The following MYCBP2 variants were observed in gnomAD, a reference collection of about 807,000 sequenced individuals.
MYCBP2 encodes MYC binding protein 2.
A neutral mutation model predicts 525.3 loss-of-function variants in MYCBP2; 120 were observed. The ratio of observed to expected loss-of-function variants is 0.23; its 90% confidence interval spans 0.20 to 0.27. MYCBP2 has a LOEUF of 0.27. Ranked by LOEUF, MYCBP2 falls within the 10% of genes least tolerant of loss-of-function variation. The pLI is 1.00. For missense variants in MYCBP2, 4,149 were observed against 5,657.1 expected (o/e 0.73, Z 8.55); for synonymous variants, 1,894 against 1,955.8 (o/e 0.97, Z 0.83).
intron 52 of MYCBP2, among the ~76,000 whole-genome samples, chr13:77,138,867 T>C (rs2054160100): frequency 6.6e-6 from 1 of 152,230 alleles, no homozygotes; most frequent in African/African-American, 2.4e-5. Context: ...TGGAATTCAT[T>C]CCACACAGCT....
chr13:77,257,113 A>G lies in MYCBP2; in HGVS notation c.2176+558T>C, dbSNP rs542077965. On this transcript the variant is annotated intron_variant, in intron 14 of 82. Coordinates refer to ENST00000544440, the MANE Select transcript of MYCBP2 (RefSeq NM_015057.5). ...GGATGTAACTGGAGGATATTATGTT[A>G]AGTGAAAGAAGCCAGGCACCGAAAG... Among the ~76,000 whole-genome samples the G allele has an allele frequency of 2.0e-5, 3 of 152,272 alleles. No homozygotes were observed. In the South Asian group the frequency reaches 6.2e-4, roughly 32 times the overall value.
At chr13:77,121,905 GA>G (rs1186508852) in intron 54 of MYCBP2, among the ~76,000 whole-genome samples, 1 of 151,770 alleles carries the variant, frequency 6.6e-6, no homozygotes, top group Non-Finnish European at 1.5e-5. Flanking sequence ...TTAGAATAGA[GA>G]AAAAAACTAA....
rs774134722 is a variant in MYCBP2, at chr13:77,087,658, T to C, written c.10726-25A>G. On this transcript the variant is annotated intron_variant, in intron 61 of 82. Coordinates refer to ENST00000544440, the MANE Select transcript of MYCBP2 (RefSeq NM_015057.5). Reference sequence around the variant, plus strand: ...CCTGAAGAAATGACGGTTAAATGAGTTCAAGAATAAAATACATGAGTTTAA... The same window carrying C: ...CCTGAAGAAATGACGGTTAAATGAGCTCAAGAATAAAATACATGAGTTTAA... 6.3e-6 allele frequency: 10 copies of C among 1,594,080 alleles called. No individual in the cohort carries two copies. The South Asian group carries it at 9.1e-5, about 15-fold the overall frequency.
At chr13:77,079,333 T>C (rs920141253) in intron 65 of MYCBP2, among the ~76,000 whole-genome samples, 5 of 152,146 alleles carry the variant, frequency 3.3e-5, no homozygotes, top group Admixed American at 3.3e-4. Flanking sequence ...AAGTAGGATA[T>C]ATGAGAGGAG....
intron 78 of MYCBP2, 48 bp from the exon 79 acceptor site, chr13:77,057,141 A>T (rs1328373795): frequency 7.6e-7 from 1 of 1,318,096 alleles, no homozygotes; most frequent in Non-Finnish European, 1.1e-6. Flanking sequence ...ATAATGATAA[A>T]CAGTTGAGTG....
chr13:77,214,412 A>C (rs1253191164), intron 21 of MYCBP2, among the ~76,000 whole-genome samples: 1 of 152,102 alleles, frequency 6.6e-6, no homozygotes, highest in Non-Finnish European at 1.5e-5. Flanking sequence ...GAATGAATAA[A>C]CTATCATATA....
At chr13:77,203,026 T>C (rs893939294) in intron 26 of MYCBP2, among the ~76,000 whole-genome samples, 233 of 151,214 alleles carry the variant, frequency 1.5e-3, no homozygotes, top group African/African-American at 5.3e-3. Flanking sequence ...TTCAACATAG[T>C]GTTGGAAGTT....
intron 55 of MYCBP2, among the ~76,000 whole-genome samples, chr13:77,112,569 G>C (rs1287806040): frequency 2.6e-4 from 39 of 151,624 alleles, no homozygotes; most frequent in Non-Finnish European, 4.4e-5. Context: ...AGGATTACAG[G>C]TGTGCATCAC....
intron 33 of MYCBP2, among the ~76,000 whole-genome samples, chr13:77,181,418 T>C (rs1444262923): frequency 6.6e-6 from 1 of 152,128 alleles, no homozygotes; most frequent in African/African-American, 2.4e-5. Context: ...GAAAAACAAA[T>C]ATGTAGGTAT....
At position 77,326,863 on chromosome 13, in the gene MYCBP2, C is replaced by G. The variant is rs1265644857; in HGVS notation, c.-88G>C. ...CGCACACACAGCCCTTTTCCAACGA[C>G]GACGGCTCCGGCGGCGGCCTCTGGC... On this transcript the variant is annotated 5_prime_UTR_variant, in exon 1 of 83. Coordinates refer to ENST00000544440, the MANE Select transcript of MYCBP2 (RefSeq NM_015057.5). The surrounding 1 kb of genome is among the most constrained non-coding windows in gnomAD (Gnocchi z 4.2). 10 of 1,264,076 alleles carry G rather than the reference C, an allele frequency of 7.9e-6. No individual in the cohort carries two copies. Among genetic ancestry groups the G allele is most frequent in the Non-Finnish European group, 1.0e-5 (10 of 988,598 alleles). 78.3% of individuals were successfully genotyped at this position (1,264,076 alleles called of 1,614,324 possible).
chr13:77,108,651 A>G (rs1275633443), intron 55 of MYCBP2, among the ~76,000 whole-genome samples: 2 of 152,184 alleles, frequency 1.3e-5, no homozygotes, highest in Non-Finnish European at 2.9e-5. Flanking sequence ...ACGCAGCACA[A>G]AGACAGCTAA....
intron 7 of MYCBP2, among the ~76,000 whole-genome samples, chr13:77,268,163 T>C (rs576895885): frequency 6.6e-6 from 1 of 152,342 alleles, no homozygotes; most frequent in South Asian, 2.1e-4. Flanking sequence ...TAATTAGGTA[T>C]ACTAAACAGG....
chr13:77,177,720 G>C, intron 35 of MYCBP2, 28 bp downstream of exon 35: 1 of 1,560,288 alleles, frequency 6.4e-7, no homozygotes, highest in Non-Finnish European at 8.8e-7. Flanking sequence ...CCACTAATCA[G>C]GATAAATACT....
At chr13:77,239,564 A>G (rs1450130581) in intron 17 of MYCBP2, among the ~76,000 whole-genome samples, 1 of 152,188 alleles carries the variant, frequency 6.6e-6, no homozygotes, top group Non-Finnish European at 1.5e-5. Context: ...TCAAACCGCA[A>G]AGTGCAAACA....
chr13:77,282,581 G>T (rs1384933945), intron 3 of MYCBP2, among the ~76,000 whole-genome samples: 2 of 152,006 alleles, frequency 1.3e-5, no homozygotes, highest in African/African-American at 4.8e-5. Flanking sequence ...CAATGTTCTT[G>T]ATCCCACCCC....
intron 43 of MYCBP2, among the ~76,000 whole-genome samples, chr13:77,162,867 G>A (rs2058101076): frequency 6.6e-6 from 1 of 152,154 alleles, no homozygotes; most frequent in Non-Finnish European, 1.5e-5. Context: ...GTGTTAGCCA[G>A]GATGGTCTCA....
At chr13:77,219,800 T>C (rs2065296934) in intron 20 of MYCBP2, among the ~76,000 whole-genome samples, 1 of 152,108 alleles carries the variant, frequency 6.6e-6, no homozygotes, top group Admixed American at 6.6e-5. Context: ...ATGGAATAGA[T>C]ACATACCGAG....
rs1475046464 is a variant in MYCBP2, at chr13:77,200,409, C to T, written c.3843+4847G>A. Among the ~76,000 whole-genome samples the T allele has an allele frequency of 9.9e-5, 15 of 151,768 alleles. 1 individual carries two copies. In the South Asian group the frequency reaches 1.2e-3, roughly 13 times the overall value. On this transcript the variant is annotated intron_variant, in intron 26 of 82. Coordinates refer to ENST00000544440, the MANE Select transcript of MYCBP2 (RefSeq NM_015057.5). Reference sequence around the variant, plus strand: ...GGACTATGTGAAAAGACCAAATCTACGTCTGATTGGTGTACCTGAAAGTGA... The same window carrying T: ...GGACTATGTGAAAAGACCAAATCTATGTCTGATTGGTGTACCTGAAAGTGA...
chr13:77,265,222 T>G (rs537686820), intron 8 of MYCBP2, among the ~76,000 whole-genome samples: 27 of 151,606 alleles, frequency 1.8e-4, no homozygotes, highest in Non-Finnish European at 3.5e-4. Flanking sequence ...AGAGGAGAAA[T>G]CAAAAGAAAG....
Sources: gnomAD v4.1 joint callset for allele counts (sites outside exome capture counted in the v4.1 genomes callset) on GRCh38, gnomAD v4.1.1 for gene constraint, Gnocchi (gnomAD v3.1) non-coding constraint, MANE v1.5 for transcripts, NCBI Gene and HGNC (gene_info 2026-07-23, HGNC 2026-07-21) for gene names.